SAMD12: variants seen among roughly 807,000 people sequenced by gnomAD.
The protein encoded by SAMD12 is sterile alpha motif domain-containing protein 12.
SAMD12 carries 9 observed loss-of-function variants against 15.0 expected under a neutral mutation model. The ratio of observed to expected loss-of-function variants is 0.60; its 90% CI spans 0.36 to 1.05. SAMD12 has a LOEUF of 1.05. Ranked by LOEUF, SAMD12 falls within the 50% of genes least tolerant of loss-of-function variation. The pLI is 0.01. For synonymous variants in SAMD12, 86 were observed against 90.1 expected, an observed-to-expected ratio of 0.96 and a Z score of 0.25; for missense variants, 230 against 234.2, an observed-to-expected ratio of 0.98 and a Z score of 0.12.
At chr8:118,257,484 C>A (rs572484939) in intron 4 of SAMD12, among the ~76,000 whole-genome samples, 19 of 152,088 alleles carry the variant, frequency 1.2e-4, no homozygotes, top group Non-Finnish European at 2.5e-4. Context: ...ATTTTCTTGA[C>A]TCTGGTCAGG....
At chr8:118,309,380 A>ATGTGTGTG (rs35576833) in intron 4 of SAMD12, among the ~76,000 whole-genome samples, 6,107 of 143,872 alleles carry the variant, frequency 0.042, 301 homozygotes, top group African/African-American at 0.13. Flanking sequence ...TGAGATATAT[A>ATGTGTGTG]TGTGTGTGTG....
intron 4 of SAMD12, among the ~76,000 whole-genome samples, chr8:118,324,014 A>T (rs1816441536): frequency 6.8e-6 from 1 of 146,894 alleles, no homozygotes; most frequent in South Asian, 2.1e-4. Context: ...TAACATTTTG[A>T]CAAAAGGAAA....
chr8:118,198,065 G>A (rs556474075), intron 4 of SAMD12, among the ~76,000 whole-genome samples: 1 of 152,334 alleles, frequency 6.6e-6, no homozygotes, highest in South Asian at 2.1e-4. Context: ...TATTATGAAG[G>A]TTCATGCATT....
At chr8:118,336,654 T>C (rs890552352) in intron 4 of SAMD12, among the ~76,000 whole-genome samples, 2 of 152,148 alleles carry the variant, frequency 1.3e-5, no homozygotes, top group African/African-American at 4.8e-5. Flanking sequence ...GTAAAAGTGT[T>C]CCTACTTCTC....
intron 4 of SAMD12, among the ~76,000 whole-genome samples, chr8:118,337,743 T>C (rs1009973461): frequency 6.6e-6 from 1 of 152,184 alleles, no homozygotes; most frequent in Non-Finnish European, 1.5e-5. Flanking sequence ...GTAACTCTTA[T>C]TTTACTTAGT....
chr8:118,415,445 T>TA (rs1821634535), intron 3 of SAMD12, among the ~76,000 whole-genome samples: 2 of 57,310 alleles, frequency 3.5e-5, no homozygotes, highest in Non-Finnish European at 7.0e-5. Context: ...AACCTTGTCC[T>TA]AAGGTGTGTG....
chr8:118,205,480 A>G (rs2129792751), intron 4 of SAMD12, among the ~76,000 whole-genome samples: 1 of 152,370 alleles, frequency 6.6e-6, no homozygotes, highest in East Asian at 1.9e-4. Flanking sequence ...AAATGCAGAA[A>G]GCCAGACTTG....
At position 118,580,848 on chromosome 8, in the gene SAMD12, T is replaced by C. The variant is rs746501222; in HGVS notation, c.59A>G (p.His20Arg). Residue 20 changes from histidine to arginine, a missense_variant, in exon 2 of 4, where the codon CAT (histidine) becomes CGT (arginine). By Grantham distance (29) the His-to-Arg change is conservative. Transcript: ENST00000314727. Reference protein sequence around the residue: ...LNPRGIDHPAHAEGIKLQIEG... With the variant: ...LNPRGIDHPARAEGIKLQIEG... ...AATTTGCAGTTTAATACCTTCAGCA[T>C]GGGCAGGGTGATCAATACCCCGTGG... is the stretch of plus-strand genomic sequence containing the variant. The C allele has an allele frequency of 1.8e-4, 294 of 1,613,060 alleles. No individual in the cohort carries two copies. Among genetic ancestry groups the C allele is most frequent in the Non-Finnish European group, 2.5e-4 (289 of 1,179,440 alleles).
chr8:118,237,416 T>C (rs911937715), intron 4 of SAMD12, among the ~76,000 whole-genome samples: 2 of 152,188 alleles, frequency 1.3e-5, no homozygotes, highest in Non-Finnish European at 2.9e-5. Flanking sequence ...GTCAAGTCCA[T>C]GGGAGGAGAT....
chr8:118,583,373 T>C (rs1425505788), intron 1 of SAMD12, among the ~76,000 whole-genome samples: 1 of 152,210 alleles, frequency 6.6e-6, no homozygotes, highest in East Asian at 1.9e-4. Context: ...TTCAATTAAA[T>C]ACATCAAAGT....
chr8:118,418,285 A>G (rs1432352108), intron 3 of SAMD12, among the ~76,000 whole-genome samples: 1 of 152,236 alleles, frequency 6.6e-6, no homozygotes, highest in Non-Finnish European at 1.5e-5. Context: ...TGCCTTTTAC[A>G]AGAAACAGAG....
chr8:118,556,683 G>A (rs377394765), intron 2 of SAMD12, among the ~76,000 whole-genome samples: 2 of 152,108 alleles, frequency 1.3e-5, no homozygotes, highest in African/African-American at 4.8e-5. Flanking sequence ...TAGACATGGG[G>A]GCTGGGTGCG....
chr8:118,316,831 T>A (rs1025799242), intron 4 of SAMD12, among the ~76,000 whole-genome samples: 19 of 150,194 alleles, frequency 1.3e-4, no homozygotes, highest in Non-Finnish European at 2.5e-4. Flanking sequence ...TTTTTTTTTT[T>A]TTTTGTAAAG....
downstream of SAMD12, among the ~76,000 whole-genome samples, chr8:118,186,583 C>T (rs1463997342): frequency 3.3e-4 from 49 of 147,276 alleles, no homozygotes; most frequent in Non-Finnish European, 6.1e-4. Flanking sequence ...TCATCAATTT[C>T]ACAGCCCTGG....
chr8:118,505,388 C>T (rs1217772058), intron 2 of SAMD12, among the ~76,000 whole-genome samples: 3 of 150,712 alleles, frequency 2.0e-5, no homozygotes, highest in African/African-American at 7.3e-5. Context: ...AACTACACAT[C>T]CCAGGCTCCT....
At chr8:118,507,155 T>C (rs952754635) in intron 2 of SAMD12, among the ~76,000 whole-genome samples, 2 of 152,036 alleles carry the variant, frequency 1.3e-5, no homozygotes, top group African/African-American at 2.4e-5. Context: ...GAGCACCTCA[T>C]TGATACCTTG....
At chr8:118,555,155 AAAGT>A (rs2131194988) in intron 2 of SAMD12, among the ~76,000 whole-genome samples, 1 of 152,360 alleles carries the variant, frequency 6.6e-6, no homozygotes, top group South Asian at 2.1e-4. Flanking sequence ...AGAATAAAAC[AAAGT>A]AAGCCACACA....
At chr8:118,306,477 T>C (rs995138075) in intron 4 of SAMD12, among the ~76,000 whole-genome samples, 2 of 152,152 alleles carry the variant, frequency 1.3e-5, no homozygotes, top group Non-Finnish European at 2.9e-5. Flanking sequence ...CTGTACTTCT[T>C]CCCCTCTTCT....
Position 118,379,313 on chromosome 8 carries a change from C to T in SAMD12, c.*104G>A. The T allele has an allele frequency of 6.7e-7, 1 of 1,490,380 alleles. No homozygotes were observed. The highest frequency in any genetic ancestry group is 8.9e-7 in the Non-Finnish European group (1 of 1,124,520). 92.3% of individuals were successfully genotyped at this position (1,490,380 alleles called of 1,614,324 possible). A position where few individuals can be genotyped will look rare whatever the true frequency, so the allele number is the denominator to read the frequency against. On this transcript the variant is annotated 3_prime_UTR_variant, in exon 4 of 4. Transcript: ENST00000314727. ...ACACAATCCATACAACTGTACGTGA[C>T]CACCTTGAAGTTAGCTCAGGTAATT...
Sources: gnomAD v4.1 joint callset for allele counts (sites outside exome capture counted in the v4.1 genomes callset) on GRCh38, gnomAD v4.1.1 for gene constraint, MANE v1.5 for transcripts, NCBI Gene and HGNC (gene_info 2026-07-23, HGNC 2026-07-21) for gene names.